VPS13B: variants seen among roughly 807,000 people sequenced by gnomAD.
VPS13B encodes vacuolar protein sorting 13 homolog B.
VPS13B carries 285 observed loss-of-function variants against 426.4 expected under a neutral mutation model. That is an observed-to-expected ratio of 0.67 (90% confidence interval 0.61 to 0.74). The LOEUF is 0.74. Among genes scored for constraint, VPS13B ranks in the 30% least tolerant of loss-of-function variants. The pLI is 0.00. For missense variants in VPS13B, 4,537 were observed against 4,782.6 expected (o/e 0.95, Z 1.51); for synonymous variants, 1,676 against 1,676.4 (o/e 1.00, Z 0.01).
intron 39 of VPS13B, among the ~76,000 whole-genome samples, chr8:99,747,171 T>C (rs1019535672): frequency 6.6e-6 from 1 of 152,066 alleles, no homozygotes; most frequent in African/African-American, 2.4e-5. Context: ...GGGCCAGAAC[T>C]TGGAGAGTCT....
intron 17 of VPS13B, among the ~76,000 whole-genome samples, chr8:99,210,479 G>A (rs1047951504): frequency 6.6e-6 from 1 of 152,190 alleles, no homozygotes; most frequent in South Asian, 2.1e-4. Context: ...GTGTTTGTAT[G>A]TGAATACATT....
At chr8:99,427,515 C>T (rs1275817792) in intron 21 of VPS13B, among the ~76,000 whole-genome samples, 13 of 151,722 alleles carry the variant, frequency 8.6e-5, no homozygotes, top group Admixed American at 8.6e-4. Context: ...GAGTCAAATC[C>T]TGAATGCACT....
intron 25 of VPS13B, among the ~76,000 whole-genome samples, chr8:99,489,715 G>T (rs1032432265): frequency 3.3e-5 from 5 of 152,064 alleles, no homozygotes; most frequent in South Asian, 2.1e-4. Flanking sequence ...GTCTGTTATT[G>T]GTGGATAAGA....
chr8:99,297,855 T>C lies in VPS13B; in HGVS notation c.2824+22601T>C, dbSNP rs73699986. ...CTAAATACAGTTTTTCTTCCTCATT[T>C]TAAGTGACATTGTAGCATCCTGTTG... On this transcript the variant is annotated intron_variant, in intron 19 of 61. Coordinates refer to ENST00000357162, the MANE Select transcript of VPS13B (RefSeq NM_152564.5). Among the ~76,000 whole-genome samples the C allele has an allele frequency of 3.8e-3, 583 of 152,340 alleles. 2 individuals carry two copies. Among genetic ancestry groups the C allele is most frequent in the African/African-American group, 0.013 (543 of 41,584 alleles).
chr8:99,177,443 A>G (rs548097906), intron 16 of VPS13B, among the ~76,000 whole-genome samples: 1 of 152,344 alleles, frequency 6.6e-6, no homozygotes, highest in Non-Finnish European at 1.5e-5. Flanking sequence ...GTATGAAATT[A>G]AAAGGATATA....
chr8:99,438,672 C>A (rs1311506840), intron 22 of VPS13B, among the ~76,000 whole-genome samples: 1 of 152,090 alleles, frequency 6.6e-6, no homozygotes, highest in Non-Finnish European at 1.5e-5. Context: ...GGCCCCAAAT[C>A]AGGGATATTT....
At chr8:99,815,830 A>C (rs1175406550) in intron 44 of VPS13B, among the ~76,000 whole-genome samples, 1 of 152,110 alleles carries the variant, frequency 6.6e-6, no homozygotes, top group Non-Finnish European at 1.5e-5. Flanking sequence ...AATTTAAGAA[A>C]ACATTTGTTG....
At position 99,823,921 on chromosome 8, in the gene VPS13B, A is replaced by C. The variant is rs1345326650; in HGVS notation, c.9273A>C (p.Pro3091=). Residue 3091 remains proline, a synonymous_variant, in exon 51 of 62, where the codon CCA becomes CCC. Coordinates refer to ENST00000357162, the MANE Select transcript of VPS13B (RefSeq NM_152564.5). ...AGACTACAATAATCAATAATACACC[A>C]TATCAAATATTTTATAAACCACAGC... The part of the protein sequence containing the change: ...EDKTTIINNT[P]YQIFYKPQLS... 1 of 1,613,408 alleles carries C rather than the reference A, an allele frequency of 6.2e-7. No individual in the cohort carries two copies. The highest frequency in any genetic ancestry group is 1.1e-5 in the South Asian group (1 of 91,084).
rs376982982 is a variant in VPS13B at position 99,507,204 on chromosome 8, G to C, written c.4224+1G>C. 4 of 1,613,830 alleles carry C rather than the reference G, an allele frequency of 2.5e-6. No individual in the cohort carries two copies. Among genetic ancestry groups the C allele is most frequent in the Non-Finnish European group, 3.4e-6 (4 of 1,179,830 alleles). On this transcript the variant is annotated splice_donor_variant, in intron 28 of 61. Transcript: ENST00000357162. LOFTEE classifies it high-confidence loss of function. ...TCTACAATGCAAAGAAAAATCTGTGGTGAGACCCATTTAGTTACTATGATT... is the reference window on the plus strand; with the variant it reads ...TCTACAATGCAAAGAAAAATCTGTGCTGAGACCCATTTAGTTACTATGATT...
intron 51 of VPS13B, among the ~76,000 whole-genome samples, chr8:99,824,709 A>G (rs891579909): frequency 6.6e-6 from 1 of 151,724 alleles, no homozygotes; most frequent in African/African-American, 2.4e-5. Context: ...CATCTACATT[A>G]GGTATTTCTT....
chr8:99,371,699 A>G (rs368873505), intron 19 of VPS13B, among the ~76,000 whole-genome samples: 2 of 152,216 alleles, frequency 1.3e-5, no homozygotes, highest in East Asian at 3.9e-4. Context: ...CTTCCTGTCC[A>G]TGAGCATGAA....
intron 34 of VPS13B, among the ~76,000 whole-genome samples, chr8:99,652,892 A>G (rs1481732384): frequency 6.6e-6 from 1 of 152,188 alleles, no homozygotes; most frequent in Non-Finnish European, 1.5e-5. Context: ...GCAAGAAAGT[A>G]GATCTCTTAA....
intron 19 of VPS13B, among the ~76,000 whole-genome samples, chr8:99,302,295 T>A (rs1198835521): frequency 1.3e-5 from 2 of 152,206 alleles, no homozygotes. Flanking sequence ...ACTTATGATG[T>A]GTGTTTTGTT....
In VPS13B at chr8:99,835,201, A is replaced by T. The variant is rs1489103184; in HGVS notation, c.9619A>T (p.Ile3207Leu). The change falls in exon 53 of 62, where the codon ATA becomes TTA. Residue 3207 changes from isoleucine to leucine, a missense_variant. Transcript: ENST00000357162. The stretch of plus-strand genomic sequence containing the variant: ...TTTGACTTGATTCTCTTCCAGGGCT[A>T]TAGTGCTGACATATCAAGAACACCT... ...FRENGFCTRA[I>L]VLTYQEHLGV... 2 of 1,613,864 alleles carry T rather than the reference A, an allele frequency of 1.2e-6. No individual in the cohort carries two copies. The highest frequency in any genetic ancestry group is 1.7e-6 in the Non-Finnish European group (2 of 1,179,962).
chr8:99,635,018 T>C (rs890613859), intron 33 of VPS13B, among the ~76,000 whole-genome samples: 1 of 151,650 alleles, frequency 6.6e-6, no homozygotes, highest in Non-Finnish European at 1.5e-5. Context: ...GTTAAAAGCA[T>C]GCGACAGCCT....
chr8:99,048,618 C>A (rs1843354524), intron 3 of VPS13B, among the ~76,000 whole-genome samples: 1 of 152,114 alleles, frequency 6.6e-6, no homozygotes, highest in South Asian at 2.1e-4. Context: ...AGTTTGAGAC[C>A]AGCCTGGCCA....
chr8:99,019,223 T>G (rs555031756), intron 2 of VPS13B, among the ~76,000 whole-genome samples: 114 of 147,534 alleles, frequency 7.7e-4, no homozygotes, highest in African/African-American at 2.7e-3. Context: ...TTTTTTTTTT[T>G]GAGATAGAGT....
chr8:99,704,683 C>G (rs1428050538), intron 36 of VPS13B, among the ~76,000 whole-genome samples: 2 of 152,096 alleles, frequency 1.3e-5, no homozygotes, highest in Non-Finnish European at 2.9e-5. Flanking sequence ...AGCTTGTAGA[C>G]AGCTATACAA....
chr8:99,640,073 A>AG (rs1312336630), intron 33 of VPS13B, among the ~76,000 whole-genome samples: 3,703 of 143,112 alleles, frequency 0.026, 110 homozygotes, highest in Non-Finnish European at 0.034. Flanking sequence ...AAAGAAAAGA[A>AG]AAGAAAAGAA....
Sources: gnomAD v4.1 joint callset for allele counts (sites outside exome capture counted in the v4.1 genomes callset) on GRCh38, gnomAD v4.1.1 for gene constraint, MANE v1.5 for transcripts, NCBI Gene and HGNC (gene_info 2026-07-23, HGNC 2026-07-21) for gene names.